Variants in SLC43A2 observed in about 807,000 individuals in gnomAD.
SLC43A2 encodes the protein solute carrier family 43 member 2.
In SLC43A2, 38 loss-of-function variants were observed where a neutral mutation model predicts 63.2. The observed-to-expected ratio is 0.60, with a 90% CI of 0.46 to 0.79. SLC43A2 has a LOEUF of 0.79. SLC43A2 is among the 30% of genes least tolerant of loss of function. The pLI, the probability that SLC43A2 is intolerant of heterozygous loss-of-function variation, is 0.00. For missense variants in SLC43A2, 644 were observed against 756.2 expected, an observed-to-expected ratio of 0.85 and a Z score of 1.74; for synonymous variants, 322 against 331.0, an observed-to-expected ratio of 0.97 and a Z score of 0.30.
At chr17:1,584,076 G>A (rs535052317) in intron 10 of SLC43A2, among the ~76,000 whole-genome samples, 29 of 151,632 alleles carry the variant, frequency 1.9e-4, no homozygotes, top group Non-Finnish European at 4.0e-4. Flanking sequence ...TTGCGTTTTT[G>A]TAGAGACAGG....
Position 1,605,250 on chromosome 17 carries a change from C to G in SLC43A2, c.501+7945G>C. On this transcript the variant is annotated intron_variant, in intron 5 of 13. Transcript: ENST00000301335. This position sits in a 1 kb window ranked among gnomAD's most constrained non-coding sequence, Gnocchi z 4.9. ...CCCGTGACTCTCTCTCTTTCAGCCC[C>G]CTGGCTGCAGCATAAACAGGCCGGA... The G allele has an allele frequency of 1.9e-6, 2 of 1,077,654 alleles. No homozygotes were observed. The highest frequency in any genetic ancestry group is 3.3e-5 in the African/African-American group (2 of 59,898). The allele number at this position is 1,077,654 out of a possible 1,614,324, so 66.8% of individuals were successfully genotyped here. A position where few individuals can be genotyped will look rare whatever the true frequency, so the allele number is the denominator to read the frequency against.
intron 9 of SLC43A2, among the ~76,000 whole-genome samples, chr17:1,588,302 C>T (rs1904401852): frequency 6.6e-6 from 1 of 152,092 alleles, no homozygotes; most frequent in Admixed American, 6.6e-5. Context: ...AGAACAATCG[C>T]TTGAACCCGA....
At chr17:1,612,156 G>A (rs1293427867) in intron 5 of SLC43A2, among the ~76,000 whole-genome samples, 3 of 152,082 alleles carry the variant, frequency 2.0e-5, no homozygotes, top group African/African-American at 7.2e-5. Context: ...TAGAGACGGG[G>A]TTTCACCATG....
intron 9 of SLC43A2, among the ~76,000 whole-genome samples, chr17:1,588,790 T>C (rs11656017): frequency 0.022 from 3,410 of 151,764 alleles, 61 homozygotes; most frequent in Non-Finnish European, 0.038. Flanking sequence ...TCCTGTTTGA[T>C]GGCGGGTCTC....
intron 11 of SLC43A2, among the ~76,000 whole-genome samples, chr17:1,582,971 C>T (rs778803131): frequency 1.3e-5 from 2 of 152,082 alleles, no homozygotes; most frequent in African/African-American, 4.8e-5. Flanking sequence ...CCCAGCTACT[C>T]GGGAGGCTGA....
In SLC43A2 at chr17:1,600,152, A is replaced by T. The variant is rs199514822; in HGVS notation, c.502-6873T>A. Among the ~76,000 whole-genome samples, 255 of 60,258 alleles carry T rather than the reference A, an allele frequency of 4.2e-3. 13 individuals carry two copies. Among genetic ancestry groups the T allele is most frequent in the East Asian group, 0.032 (46 of 1,426 alleles). The allele number at this position is 60,258 out of a possible 152,430, so 39.5% of individuals were successfully genotyped here. On this transcript the variant is annotated intron_variant, in intron 5 of 13. Coordinates refer to ENST00000301335, the MANE Select transcript of SLC43A2 (RefSeq NM_152346.3). Reference sequence around the variant, plus strand: ...ATTAATTGAATATATATATATATATATTTTTTTTTTTTTTTTGAGACGGAG... The same window carrying T: ...ATTAATTGAATATATATATATATATTTTTTTTTTTTTTTTTTGAGACGGAG...
chr17:1,578,529 T>G lies in SLC43A2; in HGVS notation c.1351-206A>C, dbSNP rs12603658. ...TCATTTTTTGTTTGTTTGTTTGTTTTGTTTTTTGTTTTGTTTGAGAAGAAG... is the reference window on the plus strand; with the variant it reads ...TCATTTTTTGTTTGTTTGTTTGTTTGGTTTTTTGTTTTGTTTGAGAAGAAG... On this transcript the variant is annotated intron_variant, in intron 11 of 13. Coordinates refer to ENST00000301335, the MANE Select transcript of SLC43A2 (RefSeq NM_152346.3). This position sits in a 1 kb window ranked among gnomAD's most constrained non-coding sequence, Gnocchi z 6.5. 1.8e-6 allele frequency: 1 copy of G among 554,994 alleles called. No individual in the cohort carries two copies. The highest frequency in any genetic ancestry group is 3.2e-6 in the Non-Finnish European group (1 of 310,704). 34.4% of individuals were successfully genotyped at this position (554,994 alleles called of 1,614,324 possible).
Position 1,616,608 on chromosome 17 carries a change from T to C in SLC43A2, c.322A>G (p.Ile108Val). 6.2e-7 allele frequency: 1 copy of C among 1,614,130 alleles called. No individual in the cohort carries two copies. Among genetic ancestry groups the C allele is most frequent in the Non-Finnish European group, 8.5e-7 (1 of 1,179,976 alleles). The change falls in exon 3 of 14, where the codon ATC (isoleucine) becomes GTC (valine). Residue 108 changes from isoleucine to valine, a missense_variant. By Grantham distance (29) the Ile-to-Val change is conservative. This residue lies in a region of SLC43A2 where 528 missense variants were observed against 623.6 expected (regional missense o/e 0.85). Coordinates refer to ENST00000301335, the MANE Select transcript of SLC43A2 (RefSeq NM_152346.3). ...LLSAITLPLG[I>V]VMDKYGPRKL... ...CTCGGGCCATACTTGTCCATGACGA[T>C]ACCCAGGGGCAGGGTGATGGCACTG... is the stretch of plus-strand genomic sequence containing the variant.
chr17:1,584,226 C>T (rs1484373150), intron 10 of SLC43A2, among the ~76,000 whole-genome samples: 16 of 152,030 alleles, frequency 1.1e-4, no homozygotes, highest in Admixed American at 5.2e-4. Context: ...CGTGAATGAA[C>T]GATTACCGAT....
upstream of SLC43A2, among the ~76,000 whole-genome samples, chr17:1,629,633 C>G (rs940864015): frequency 1.3e-5 from 2 of 152,224 alleles, no homozygotes; most frequent in African/African-American, 4.8e-5. Flanking sequence ...ACGCACTGCT[C>G]GGTCCTCCGG....
At chr17:1,616,408 G>A (rs970052831) in intron 3 of SLC43A2, 154 bp downstream of exon 3, 15 of 703,768 alleles carry the variant, frequency 2.1e-5, no homozygotes, top group African/African-American at 1.6e-4. Flanking sequence ...CTGCTGATTC[G>A]GTGGCGGACG....
chr17:1,602,104 A>G (rs1906103256), intron 5 of SLC43A2, among the ~76,000 whole-genome samples: 1 of 152,196 alleles, frequency 6.6e-6, no homozygotes, highest in African/African-American at 2.4e-5. Flanking sequence ...CGCCCTCCTG[A>G]AGGTGCGTGT....
chr17:1,628,103 C>T (rs1159668605), intron 1 of SLC43A2, 183 bp from the exon 2 acceptor site: 3 of 472,688 alleles, frequency 6.3e-6, no homozygotes, highest in East Asian at 9.1e-5. Flanking sequence ...GAGCCCGCGG[C>T]CGGCTCGTAC....
At chr17:1,591,735 G>GGGGGGGGGGGGGGGGT in intron 6 of SLC43A2, 36 bp from the exon 7 acceptor site, 1 of 652,928 alleles carries the variant, frequency 1.5e-6, no homozygotes. Flanking sequence ...GGGGGGGGGA[G>GGGGGGGGGGGGGGGGT]GGGGCAGAGT....
At chr17:1,579,382 A>C (rs1307819611) in intron 11 of SLC43A2, among the ~76,000 whole-genome samples, 1 of 150,464 alleles carries the variant, frequency 6.6e-6, no homozygotes, top group Non-Finnish European at 1.5e-5. Context: ...AATCGCTTGA[A>C]CCGGGGAGGC....
In SLC43A2 at chr17:1,605,032, G is replaced by A; in HGVS notation, c.501+8163C>T. 7.0e-7 allele frequency: 1 copy of A among 1,419,916 alleles called. No individual in the cohort carries two copies. The highest frequency in any genetic ancestry group is 1.4e-5 in the African/African-American group (1 of 69,386). The allele number at this position is 1,419,916 out of a possible 1,614,324, so 88.0% of individuals were successfully genotyped here. On this transcript the variant is annotated intron_variant, in intron 5 of 13. Transcript: ENST00000301335. The surrounding 1 kb of genome is among the most constrained non-coding windows in gnomAD (Gnocchi z 4.9). ...CCCCAGGAGGGGAAGGACCAGCTTTGCTGCCAAGCAGGAAGCCGGAGCTGT... is the reference window on the plus strand; with the variant it reads ...CCCCAGGAGGGGAAGGACCAGCTTTACTGCCAAGCAGGAAGCCGGAGCTGT...
At chr17:1,619,187 A>G (rs954989608) in intron 2 of SLC43A2, among the ~76,000 whole-genome samples, 13 of 151,678 alleles carry the variant, frequency 8.6e-5, no homozygotes, top group African/African-American at 2.9e-4. Context: ...CTATAATCAC[A>G]GCTACTCGGG....
chr17:1,581,945 T>C (rs535000047), intron 11 of SLC43A2, among the ~76,000 whole-genome samples: 6 of 151,622 alleles, frequency 4.0e-5, no homozygotes, highest in Admixed American at 6.6e-5. Context: ...TAGCTGGGAT[T>C]ACAGGCATGT....
chr17:1,592,933 G>A (rs1446172569), intron 6 of SLC43A2, among the ~76,000 whole-genome samples: 5 of 152,158 alleles, frequency 3.3e-5, no homozygotes, highest in Middle Eastern at 3.2e-3. Flanking sequence ...CTCACCCACC[G>A]CCCTTCCCCT....
Sources: gnomAD v4.1 joint callset for allele counts (sites outside exome capture counted in the v4.1 genomes callset) on GRCh38, gnomAD v4.1.1 for gene constraint, gnomAD v4.1.1 regional missense constraint, Gnocchi (gnomAD v3.1) non-coding constraint, MANE v1.5 for transcripts, NCBI Gene and HGNC (gene_info 2026-07-23, HGNC 2026-07-21) for gene names.